CIZ1: variants seen among roughly 807,000 people sequenced by gnomAD.
CIZ1 encodes cip1-interacting zinc finger protein.
CIZ1 carries 58 observed loss-of-function variants against 118.6 expected under a neutral mutation model. The observed-to-expected ratio is 0.49, with a 90% CI of 0.40 to 0.61. CIZ1 has a LOEUF of 0.61. Among genes scored for constraint, CIZ1 ranks in the 20% least tolerant of loss-of-function variants. The probability of loss-of-function intolerance (pLI) is 0.00; values close to 1 mark genes in which losing one functional copy is unlikely to be tolerated. For missense variants in CIZ1, 921 were observed against 1,115.9 expected (o/e 0.83, Z 2.49); for synonymous variants, 448 against 443.4 (o/e 1.01, Z -0.13).
rs1831145862 is a variant in CIZ1, at chr9:128,178,449, T to C, written c.1540A>G (p.Ser514Gly). ...TLPEPVGTQV[S>G]MEEIQNESAC... ...GACTCATTCTGAATCTCTTCCATGC[T>C]GACTTGGGTGCCCACAGGCTCTGGC... The change falls in exon 9 of 17, where the codon AGC becomes GGC. Residue 514 changes from serine to glycine, a missense_variant. Ser to Gly is a moderately conservative substitution (Grantham distance 56). Coordinates refer to ENST00000372938, the MANE Select transcript of CIZ1 (RefSeq NM_001131016.2). The C allele has an allele frequency of 6.2e-7, 1 of 1,614,038 alleles. No individual in the cohort carries two copies. The highest frequency in any genetic ancestry group is 1.7e-5 in the Admixed American group (1 of 59,958).
chr9:128,169,012 T>G lies in CIZ1; in HGVS notation c.2295+40A>C, dbSNP rs759937865. 3.2e-5 allele frequency: 52 copies of G among 1,612,420 alleles called. 1 individual carries two copies. In the South Asian group the frequency reaches 5.4e-4, roughly 17 times the overall value. On this transcript the variant is annotated intron_variant, in intron 14 of 16. Transcript: ENST00000372938. Reference sequence around the variant, plus strand: ...GATGAGGTCTGTCCTGGGCTGGGAATCCAGCACCAAGCCCGCCTCCCACAC... The same window carrying G: ...GATGAGGTCTGTCCTGGGCTGGGAAGCCAGCACCAAGCCCGCCTCCCACAC...
rs554675889 is a variant in CIZ1 at position 128,190,320 on chromosome 9, C to T, written c.286+9G>A. ...AAGAGACTGAGAAGAGGCCTGGGGCCATCCATACCTTGCAACTGCTGTAAA... is the reference window on the plus strand; with the variant it reads ...AAGAGACTGAGAAGAGGCCTGGGGCTATCCATACCTTGCAACTGCTGTAAA... On this transcript the variant is annotated intron_variant, in intron 3 of 16. Coordinates refer to ENST00000372938, the MANE Select transcript of CIZ1 (RefSeq NM_001131016.2). 11 of 1,596,684 alleles carry T rather than the reference C, an allele frequency of 6.9e-6. No individual in the cohort carries two copies. The East Asian group carries it at 2.5e-4, about 36-fold the overall frequency.
At chr9:128,195,216 C>G (rs1015599984), upstream of CIZ1, among the ~76,000 whole-genome samples, 15 of 152,128 alleles carry the variant, frequency 9.9e-5, no homozygotes, top group African/African-American at 3.4e-4. Flanking sequence ...CAGTGCCCAG[C>G]CATCAGAAAT....
intron 12 of CIZ1, 189 bp from the exon 13 acceptor site, chr9:128,169,708 A>G (rs1368741705): frequency 3.9e-6 from 6 of 1,535,804 alleles, no homozygotes; most frequent in Non-Finnish European, 2.6e-6. Context: ...TGGCTGAGAG[A>G]TAGGATGGCA....
intron 12 of CIZ1, 38 bp downstream of exon 12, chr9:128,169,982 G>T: frequency 6.4e-7 from 1 of 1,555,722 alleles, no homozygotes; most frequent in Non-Finnish European, 8.8e-7. Flanking sequence ...CTTGCAGACG[G>T]CAGTGCGGGT....
At chr9:128,197,145 T>C (rs1355183476) in intron 1 of CIZ1, 3 of 152,272 alleles carry the variant, frequency 2.0e-5, no homozygotes, top group Non-Finnish European at 2.9e-5. Context: ...CTCATGTCCT[T>C]GGGACCCAGC....
intron 11 of CIZ1, 64 bp from the exon 12 acceptor site, chr9:128,170,171 G>A (rs376570362): frequency 1.0e-5 from 14 of 1,387,700 alleles, no homozygotes; most frequent in South Asian, 1.2e-5. Context: ...GTCTGAGAGC[G>A]CTCCATAAGT....
chr9:128,185,458 C>T, intron 5 of CIZ1, 89 bp downstream of exon 5: 1 of 817,768 alleles, frequency 1.2e-6, no homozygotes, highest in South Asian at 1.9e-5. Context: ...GTGACCTGTC[C>T]GAAGGCCCAG....
chr9:128,179,400 T>C lies in CIZ1; in HGVS notation c.807A>G (p.Thr269=), dbSNP rs927629118. The C allele has an allele frequency of 1.2e-5, 19 of 1,600,742 alleles. No homozygotes were observed. Among genetic ancestry groups the C allele is most frequent in the Non-Finnish European group, 1.6e-5 (19 of 1,174,980 alleles). The change falls in exon 8 of 17, where the codon ACA becomes ACG. Residue 269 remains threonine (T), a synonymous_variant. Coordinates refer to ENST00000372938, the MANE Select transcript of CIZ1 (RefSeq NM_001131016.2). ...AKRLRSSEEP[T]EKEPPGQLQV... is the part of the protein sequence containing the mutation. ...GTAACTGCCCTGGAGGTTCCTTCTC[T>C]GTGGGCTCTTCTGAGCTAGGAAGGA...
chr9:128,195,902 G>A (rs1564309014), upstream of CIZ1, among the ~76,000 whole-genome samples: 5 of 152,066 alleles, frequency 3.3e-5, no homozygotes, highest in Admixed American at 2.0e-4. Flanking sequence ...GTCTCGCTCT[G>A]TCGCCCAAGC....
At chr9:128,199,239 G>A (rs533616541) in intron 1 of CIZ1, among the ~76,000 whole-genome samples, 167 of 152,084 alleles carry the variant, frequency 1.1e-3, no homozygotes, top group Non-Finnish European at 2.0e-3. Context: ...ATAATGGTGG[G>A]CACCTGTAAT....
chr9:128,170,106 C>T lies in CIZ1; in HGVS notation c.1945G>A (p.Glu649Lys). Residue 649 changes from glutamate (E) to lysine (K), a missense_variant and splice_region_variant, in exon 12 of 17, where the codon GAG (glutamate) becomes AAG (lysine). By Grantham distance (56) the Glu-to-Lys change is moderately conservative. Coordinates refer to ENST00000372938, the MANE Select transcript of CIZ1 (RefSeq NM_001131016.2). ...TTGCACCAGCGCCTTGGTGGAGGCT[C>T]CCTGAATGACAACAGTCAAAGCAAG... Reference protein sequence around the residue: ...PRDVLETEDEEPPPRRWCNTC... With the variant: ...PRDVLETEDEKPPPRRWCNTC... 1 of 1,567,138 alleles carries T rather than the reference C, an allele frequency of 6.4e-7. No homozygotes were observed. The highest frequency in any genetic ancestry group is 8.7e-7 in the Non-Finnish European group (1 of 1,151,542).
At chr9:128,189,249 G>GGC (rs1832827732) in intron 3 of CIZ1, among the ~76,000 whole-genome samples, 1 of 152,102 alleles carries the variant, frequency 6.6e-6, no homozygotes. Flanking sequence ...AGGGTGTAAT[G>GGC]TTTTAAATGG....
intron 1 of CIZ1, among the ~76,000 whole-genome samples, chr9:128,201,746 G>A (rs906858213): frequency 5.3e-5 from 8 of 152,216 alleles, no homozygotes; most frequent in Non-Finnish European, 8.8e-5. Flanking sequence ...CCCTACACAG[G>A]CATTTGATCT....
At chr9:128,193,804 T>A (rs1301068427), upstream of CIZ1, among the ~76,000 whole-genome samples, 1 of 152,152 alleles carries the variant, frequency 6.6e-6, no homozygotes, top group Non-Finnish European at 1.5e-5. Context: ...GATTGAATCG[T>A]GACTCCCCTG....
chr9:128,166,278 G>A lies in CIZ1; in HGVS notation c.2616C>T (p.Thr872=). 1 of 1,563,686 alleles carries A rather than the reference G, an allele frequency of 6.4e-7. No individual in the cohort carries two copies. Among genetic ancestry groups the A allele is most frequent in the Non-Finnish European group, 8.7e-7 (1 of 1,151,864 alleles). Reference sequence around the variant, plus strand: ...TCACCTTGCTGGGTGTTTTGTCCTGGGTGTTGGGCTGGGAGGGTGGGCGGC... The same window carrying A: ...TCACCTTGCTGGGTGTTTTGTCCTGAGTGTTGGGCTGGGAGGGTGGGCGGC... ...SSGRPPSQPN[T]QDKTPSKVTA... Residue 872 remains threonine (T), a synonymous_variant, in exon 17 of 17, where the codon ACC becomes ACT. Transcript: ENST00000372938. The surrounding 1 kb of genome is among the most constrained non-coding windows in gnomAD (Gnocchi z 4.4).
intron 3 of CIZ1, among the ~76,000 whole-genome samples, chr9:128,190,054 T>C (rs1044348526): frequency 2.0e-5 from 3 of 152,190 alleles, no homozygotes; most frequent in Admixed American, 6.5e-5. Context: ...ACCTGTCAGA[T>C]GGCATCTAAT....
rs1564301323 is a variant in CIZ1 at position 128,190,784 on chromosome 9, AGCT to A, written c.71_73del (p.Gln24del). The A allele has an allele frequency of 4.5e-6, 7 of 1,540,654 alleles. No homozygotes were observed. Among genetic ancestry groups the A allele is most frequent in the Admixed American group, 2.0e-5 (1 of 50,886 alleles). On this transcript the variant is annotated inframe_deletion, in exon 2 of 17. Transcript: ENST00000372938. ...CTGCTGCTGCAATTGCTGCTGCTGG[AGCT>A]GCTGCTGCTGTAACTGCTGGAGCTG...
chr9:128,177,524 G>A (rs762220857), intron 10 of CIZ1, 42 bp downstream of exon 10: 9 of 1,241,266 alleles, frequency 7.3e-6, no homozygotes, highest in South Asian at 3.9e-5. Flanking sequence ...GGCATTCCAC[G>A]CAGGCCCCAC....
Sources: allele counts gnomAD v4.1 joint callset (sites outside exome capture counted in the v4.1 genomes callset), GRCh38; gene constraint gnomAD v4.1.1; non-coding constraint Gnocchi (gnomAD v3.1); transcripts MANE v1.5; gene names NCBI Gene and HGNC (gene_info 2026-07-23, HGNC 2026-07-21).